The following TENM3 variants were observed in gnomAD, a reference collection of about 807,000 sequenced individuals.
TENM3 encodes the protein teneurin-3.
TENM3 carries 63 observed loss-of-function variants against 255.1 expected under a neutral mutation model. The observed-to-expected ratio is 0.25, with a 90% CI of 0.20 to 0.30. TENM3 has a LOEUF of 0.30. TENM3 is among the 10% of genes least tolerant of loss of function. The probability of loss-of-function intolerance (pLI) is 1.00; values close to 1 mark genes in which losing one functional copy is unlikely to be tolerated. For missense variants in TENM3, 2,929 were observed against 3,461.1 expected (o/e 0.85, Z 3.86); for synonymous variants, 1,306 against 1,322.3 (o/e 0.99, Z 0.27).
At chr4:182,570,230 G>A (rs1038378344) in intron 3 of TENM3, among the ~76,000 whole-genome samples, 2 of 152,128 alleles carry the variant, frequency 1.3e-5, no homozygotes, top group African/African-American at 4.8e-5. Flanking sequence ...TACATTTGAT[G>A]GGGAAAGGGT....
the TENM3 span, among the ~76,000 whole-genome samples, chr4:181,808,312 T>G: frequency 6.6e-6 from 1 of 152,182 alleles, no homozygotes; most frequent in Admixed American, 6.5e-5. Flanking sequence ...TTTATTCGAG[T>G]AGACACTGCT....
the TENM3 span, among the ~76,000 whole-genome samples, chr4:182,044,098 G>C: frequency 1.3e-5 from 2 of 152,182 alleles, no homozygotes; most frequent in Non-Finnish European, 2.9e-5. Context: ...TGCAGCTATG[G>C]AGGTAGGCTA....
At chr4:181,612,654 C>G in the TENM3 span, among the ~76,000 whole-genome samples, 9 of 152,124 alleles carry the variant, frequency 5.9e-5, no homozygotes, top group Non-Finnish European at 8.8e-5. Context: ...GTGTGTTTTC[C>G]TTTTCTTTTT....
chr4:181,790,747 CT>C, the TENM3 span, among the ~76,000 whole-genome samples: 1 of 152,170 alleles, frequency 6.6e-6, no homozygotes, highest in Admixed American at 6.5e-5. Flanking sequence ...CAAGAAATGG[CT>C]CTAAACTGGA....
the TENM3 span, among the ~76,000 whole-genome samples, chr4:182,026,828 T>A: frequency 6.6e-6 from 1 of 152,174 alleles, no homozygotes; most frequent in Non-Finnish European, 1.5e-5. Flanking sequence ...ATGTGTCTGT[T>A]TTTATGCCAG....
At chr4:182,676,398 T>C (rs951538801) in intron 7 of TENM3, among the ~76,000 whole-genome samples, 2 of 152,190 alleles carry the variant, frequency 1.3e-5, no homozygotes, top group African/African-American at 4.8e-5. Flanking sequence ...CCTCACCACC[T>C]TTTCACTGTG....
At chr4:181,716,513 T>C in the TENM3 span, among the ~76,000 whole-genome samples, 2 of 152,140 alleles carry the variant, frequency 1.3e-5, no homozygotes, top group African/African-American at 4.8e-5. Context: ...CTAGCACAAG[T>C]CTAGTTGCAC....
At chr4:181,611,777 C>T in the TENM3 span, among the ~76,000 whole-genome samples, 1 of 152,206 alleles carries the variant, frequency 6.6e-6, no homozygotes, top group Non-Finnish European at 1.5e-5. Context: ...CTCACTAATT[C>T]ACAAACAGGA....
At chr4:182,770,138 A>C (rs11726752) in intron 22 of TENM3, among the ~76,000 whole-genome samples, 10,832 of 150,978 alleles carry the variant, frequency 0.072, 513 homozygotes, top group African/African-American at 0.12. Flanking sequence ...CTTTTGAAAG[A>C]ACTCACCCTA....
the TENM3 span, among the ~76,000 whole-genome samples, chr4:181,601,481 A>G: frequency 6.6e-6 from 1 of 152,106 alleles, no homozygotes; most frequent in Admixed American, 6.5e-5. Flanking sequence ...CTATGTCCTC[A>G]TATCATCAGC....
At chr4:181,579,373 C>T in the TENM3 span, among the ~76,000 whole-genome samples, 1 of 152,124 alleles carries the variant, frequency 6.6e-6, no homozygotes, top group African/African-American at 2.4e-5. Context: ...TTTAAAAATA[C>T]CTAGCTCGAA....
At chr4:182,237,011 A>T (rs1251522439) in intron 1 of TENM3, among the ~76,000 whole-genome samples, 1 of 152,130 alleles carries the variant, frequency 6.6e-6, no homozygotes, top group Non-Finnish European at 1.5e-5. Flanking sequence ...TCCTGCAACA[A>T]GTCCCCATGT....
the TENM3 span, among the ~76,000 whole-genome samples, chr4:182,027,662 G>T: frequency 1.3e-5 from 2 of 151,284 alleles, no homozygotes; most frequent in African/African-American, 4.8e-5. Flanking sequence ...GTTACTTTAG[G>T]GTTTTTATCA....
chr4:182,155,348 C>T (rs1203505752), intron 1 of TENM3, among the ~76,000 whole-genome samples: 6 of 152,202 alleles, frequency 3.9e-5, no homozygotes, highest in Non-Finnish European at 8.8e-5. Context: ...TGTCTGTGTA[C>T]TTACTCATTG....
At chr4:182,495,053 CCTGGG>C (rs1336231020) in intron 3 of TENM3, among the ~76,000 whole-genome samples, 3 of 152,132 alleles carry the variant, frequency 2.0e-5, no homozygotes, top group Non-Finnish European at 4.4e-5. Flanking sequence ...TTGAAGGAAA[CCTGGG>C]CAAGGCTGTG....
intron 4 of TENM3, among the ~76,000 whole-genome samples, chr4:182,613,314 G>C (rs1392525434): frequency 6.6e-6 from 1 of 152,058 alleles, no homozygotes; most frequent in Non-Finnish European, 1.5e-5. Context: ...CTTCATTAAA[G>C]TAACCAAAAT....
the TENM3 span, among the ~76,000 whole-genome samples, chr4:182,004,288 A>G: frequency 7.5e-4 from 114 of 151,690 alleles, no homozygotes; most frequent in African/African-American, 2.5e-3. Context: ...TCAATGTTCA[A>G]CTCCCACTTA....
At chr4:181,853,405 T>C in the TENM3 span, among the ~76,000 whole-genome samples, 1 of 152,266 alleles carries the variant, frequency 6.6e-6, no homozygotes, top group Non-Finnish European at 1.5e-5. Flanking sequence ...GTTACATGTA[T>C]TTAAACCATG....
intron 4 of TENM3, among the ~76,000 whole-genome samples, chr4:182,623,178 A>AT (rs1224546570): frequency 3.4e-5 from 5 of 148,050 alleles, no homozygotes; most frequent in Non-Finnish European, 6.0e-5. Flanking sequence ...GCCCGGCTAA[A>AT]TTTTTTTTGT....
Sources: gnomAD v4.1 joint callset for allele counts (sites outside exome capture counted in the v4.1 genomes callset) on GRCh38, gnomAD v4.1.1 for gene constraint, MANE v1.5 for transcripts, NCBI Gene and HGNC (gene_info 2026-07-23, HGNC 2026-07-21) for gene names.